The following AGAP1 variants were observed in gnomAD, a reference collection of about 807,000 sequenced individuals.
The protein encoded by AGAP1 is ArfGAP with GTPase domain, ankyrin repeat and PH domain 1, also known as arf-GAP with GTPase, ANK repeat and PH domain-containing protein 1.
Under a neutral mutation model 105.3 loss-of-function variants are expected in AGAP1, and 29 were observed. The observed-to-expected ratio is 0.28, with a 90% CI of 0.21 to 0.38. AGAP1 has a LOEUF of 0.38. AGAP1 is among the 10% of genes least tolerant of loss of function. AGAP1 has a pLI of 1.00. For missense variants in AGAP1, 998 were observed against 1,165.1 expected (o/e 0.86, Z 2.09); for synonymous variants, 509 against 485.9 (o/e 1.05, Z -0.63).
In AGAP1 at chr2:236,104,940, G is replaced by C. The variant is rs928764562; in HGVS notation, c.2115-15252G>C. Among the ~76,000 whole-genome samples, 29 of 152,108 alleles carry C rather than the reference G, an allele frequency of 1.9e-4. No individual in the cohort carries two copies. The highest frequency in any genetic ancestry group is 7.0e-4 in the African/African-American group (29 of 41,414). Reference sequence around the variant, plus strand: ...GACTAGCGTGCACAGAGCCCTCGAGGTACCAGAGCAGAGCTGTGGATGCCC... The same window carrying C: ...GACTAGCGTGCACAGAGCCCTCGAGCTACCAGAGCAGAGCTGTGGATGCCC... On this transcript the variant is annotated intron_variant, in intron 16 of 17. Coordinates refer to ENST00000304032, the MANE Select transcript of AGAP1 (RefSeq NM_001037131.3). This position sits in a 1 kb window ranked among gnomAD's most constrained non-coding sequence, Gnocchi z 4.7.
rs113142459 is a variant in AGAP1, at chr2:236,000,580, G to T, written c.1645+31957G>T. On this transcript the variant is annotated intron_variant, in intron 13 of 17. Coordinates refer to ENST00000304032, the MANE Select transcript of AGAP1 (RefSeq NM_001037131.3). This position sits in a 1 kb window ranked among gnomAD's most constrained non-coding sequence, Gnocchi z 4.3. Reference sequence around the variant, plus strand: ...CATGGCGCACCTGCTCTGTGCAGAGGCTGGGCGAACACCAGCCCGAGCCTG... The same window carrying T: ...CATGGCGCACCTGCTCTGTGCAGAGTCTGGGCGAACACCAGCCCGAGCCTG... Among the ~76,000 whole-genome samples, 1,755 of 152,270 alleles carry T rather than the reference G, an allele frequency of 0.012. 37 individuals carry two copies. The highest frequency in any genetic ancestry group is 0.039 in the African/African-American group (1,637 of 41,566).
At chr2:235,776,561 G>A (rs1370054436) in intron 6 of AGAP1, among the ~76,000 whole-genome samples, 2 of 152,150 alleles carry the variant, frequency 1.3e-5, no homozygotes, top group African/African-American at 4.8e-5. Context: ...CTCCTAAGTT[G>A]AAGGCCAGTG....
At chr2:235,604,200 AG>A (rs1945838308) in intron 1 of AGAP1, among the ~76,000 whole-genome samples, 1 of 152,186 alleles carries the variant, frequency 6.6e-6, no homozygotes, top group African/African-American at 2.4e-5. Flanking sequence ...ATATATAAAA[AG>A]AATAGTGTGG....
intron 2 of AGAP1, among the ~76,000 whole-genome samples, chr2:235,713,776 A>T (rs969593073): frequency 2.0e-5 from 3 of 152,210 alleles, no homozygotes; most frequent in Non-Finnish European, 2.9e-5. Context: ...AGAAATATAT[A>T]GCTCACAGTT....
At chr2:235,749,814 T>C (rs1272815587) in intron 5 of AGAP1, among the ~76,000 whole-genome samples, 1 of 152,216 alleles carries the variant, frequency 6.6e-6, no homozygotes, top group Non-Finnish European at 1.5e-5. Context: ...CTTGCCTCTC[T>C]GGCCAACTAG....
rs149560054 is a variant in AGAP1, at chr2:235,637,578, G to A, written c.164-71601G>A. On this transcript the variant is annotated intron_variant, in intron 1 of 17. Transcript: ENST00000304032. ...ATTACAGGTATGAGCCACCGTGCTC[G>A]GCCTTCATTATTATTTTTAGGACAA... Among the ~76,000 whole-genome samples the A allele has an allele frequency of 3.6e-3, 549 of 152,050 alleles. 2 individuals carry two copies. The highest frequency in any genetic ancestry group is 0.013 in the African/African-American group (522 of 41,476).
chr2:236,029,816 G>T (rs1022125521), intron 13 of AGAP1, among the ~76,000 whole-genome samples: 3 of 151,680 alleles, frequency 2.0e-5, no homozygotes, highest in Non-Finnish European at 4.4e-5. Context: ...ACAGCTCACT[G>T]CAGCCTCCAT....
intron 1 of AGAP1, among the ~76,000 whole-genome samples, chr2:235,516,124 C>A (rs1321989170): frequency 6.6e-6 from 1 of 151,894 alleles, no homozygotes; most frequent in Non-Finnish European, 1.5e-5. Context: ...CTCTCCCTCA[C>A]CTGTGCTTCC....
chr2:235,762,766 A>G (rs553095748), intron 6 of AGAP1, among the ~76,000 whole-genome samples: 1 of 152,232 alleles, frequency 6.6e-6, no homozygotes, highest in East Asian at 1.9e-4. Flanking sequence ...CCAGCTGCTC[A>G]GGAGGCTAAG....
In AGAP1 at chr2:235,763,057, T is replaced by TGTGTGCGCGCGC. The variant is rs953192018; in HGVS notation, c.673+12570_673+12571insTGTGCGCGCGCG. Among the ~76,000 whole-genome samples the TGTGTGCGCGCGC allele has an allele frequency of 4.7e-5, 5 of 107,108 alleles. 1 individual carries two copies. Among genetic ancestry groups the TGTGTGCGCGCGC allele is most frequent in the Middle Eastern group, 8.1e-3 (2 of 246 alleles). 70.3% of individuals were successfully genotyped at this position (107,108 alleles called of 152,430 possible). On this transcript the variant is annotated intron_variant, in intron 6 of 17. Coordinates refer to ENST00000304032, the MANE Select transcript of AGAP1 (RefSeq NM_001037131.3). ...TCGGGTGTGTGTGTGTGTGTATGTG[T>TGTGTGCGCGCGC]GCGCGCGCGCGCACACGTGCACCTG...
chr2:236,015,899 T>C (rs537953243), intron 13 of AGAP1, among the ~76,000 whole-genome samples: 3 of 152,336 alleles, frequency 2.0e-5, no homozygotes, highest in Admixed American at 2.0e-4. Flanking sequence ...AATTTTAAAT[T>C]GCACGTTATT....
chr2:235,678,843 C>T (rs557326774), intron 1 of AGAP1, among the ~76,000 whole-genome samples: 1 of 152,084 alleles, frequency 6.6e-6, no homozygotes, highest in South Asian at 2.1e-4. Flanking sequence ...CCCTGCTTCC[C>T]ACTCCCGCTC....
Position 235,550,776 on chromosome 2 carries a change from T to C in AGAP1, c.163+55927T>C, listed in dbSNP as rs920493282. Among the ~76,000 whole-genome samples the C allele has an allele frequency of 2.6e-5, 4 of 152,104 alleles. No individual in the cohort carries two copies. The highest frequency in any genetic ancestry group is 9.7e-5 in the African/African-American group (4 of 41,426). The stretch of plus-strand genomic sequence containing the variant: ...GCTGATGAGATAGTGTTTATTTATT[T>C]TTATCTTATTTTTTTTGAGATAGAG... On this transcript the variant is annotated intron_variant, in intron 1 of 17. Coordinates refer to ENST00000304032, the MANE Select transcript of AGAP1 (RefSeq NM_001037131.3). This position sits in a 1 kb window ranked among gnomAD's most constrained non-coding sequence, Gnocchi z 4.6.
intron 16 of AGAP1, among the ~76,000 whole-genome samples, chr2:236,097,085 C>A (rs2125890249): frequency 6.6e-6 from 1 of 152,276 alleles, no homozygotes; most frequent in Non-Finnish European, 1.5e-5. Context: ...CTATTTCCTC[C>A]TGCAAAGTCC....
At chr2:236,068,000 G>T (rs2058391236) in intron 16 of AGAP1, among the ~76,000 whole-genome samples, 1 of 152,168 alleles carries the variant, frequency 6.6e-6, no homozygotes, top group African/African-American at 2.4e-5. Flanking sequence ...GGCTGGGTGT[G>T]GTGGCTCACA....
rs1419178096 is a variant in AGAP1, at chr2:236,036,199, G to A, written c.1646-362G>A. Among the ~76,000 whole-genome samples the A allele has an allele frequency of 6.6e-6, 1 of 152,162 alleles. No homozygotes were observed. The highest frequency in any genetic ancestry group is 1.9e-4 in the East Asian group (1 of 5,172). ...TTAACCCTGCAGCCGGAGATTAGCG[G>A]CCCTAACTTAATTTTCGTCCCACAG... On this transcript the variant is annotated intron_variant, in intron 13 of 17. Coordinates refer to ENST00000304032, the MANE Select transcript of AGAP1 (RefSeq NM_001037131.3). The surrounding 1 kb of genome is among the most constrained non-coding windows in gnomAD (Gnocchi z 5.7).
Position 236,040,462 on chromosome 2 carries a change from T to G in AGAP1, c.1801-289T>G. On this transcript the variant is annotated intron_variant, in intron 14 of 17. Transcript: ENST00000304032. This position sits in a 1 kb window ranked among gnomAD's most constrained non-coding sequence, Gnocchi z 5.6. ...ACCTTCTCCAGGTTACCATGGTCCA[T>G]GCGTATTCACAGATGATCCAGAACT... is the stretch of plus-strand genomic sequence containing the variant. 6.2e-6 allele frequency: 3 copies of G among 486,520 alleles called. No individual in the cohort carries two copies. The highest frequency in any genetic ancestry group is 3.7e-6 in the Non-Finnish European group (1 of 269,752). The allele number at this position is 486,520 out of a possible 1,614,324, so 30.1% of individuals were successfully genotyped here.
intron 5 of AGAP1, among the ~76,000 whole-genome samples, chr2:235,746,377 CTTTTTTTTTTTTTTTTTTTTTTTTTTT>C (rs1172393048): frequency 7.2e-5 from 4 of 55,546 alleles, no homozygotes; most frequent in Non-Finnish European, 1.2e-4. Context: ...CCTCCCCCAA[CTTTTTTTTTTTTTTTTTTTTTTTTTTT>C]TTTTTTTAAA....
chr2:235,903,075 T>G (rs1321506947), intron 10 of AGAP1, among the ~76,000 whole-genome samples: 1 of 152,172 alleles, frequency 6.6e-6, no homozygotes, highest in Non-Finnish European at 1.5e-5. Flanking sequence ...GTACTGTATC[T>G]GAATTGTTTT....
Sources: gnomAD v4.1 joint callset for allele counts (sites outside exome capture counted in the v4.1 genomes callset) on GRCh38, gnomAD v4.1.1 for gene constraint, Gnocchi (gnomAD v3.1) non-coding constraint, MANE v1.5 for transcripts, NCBI Gene and HGNC (gene_info 2026-07-23, HGNC 2026-07-21) for gene names.